MALRD1: variants seen among roughly 807,000 people sequenced by gnomAD.
MALRD1 encodes MAM and LDL receptor class A domain containing 1, also known as MAM and LDL-receptor class A domain-containing protein 1.
MALRD1 carries 247 observed loss-of-function variants against 242.1 expected under a neutral mutation model. The observed-to-expected ratio is 1.02, with a 90% CI of 0.92 to 1.13. MALRD1 has a LOEUF of 1.13. Among genes scored for constraint, MALRD1 ranks in the 50% most tolerant of loss-of-function variants. The pLI, the probability that MALRD1 is intolerant of heterozygous loss-of-function variation, is 0.00. For missense variants in MALRD1, 2,989 were observed against 2,533.1 expected, an observed-to-expected ratio of 1.18 and a Z score of -3.86; for synonymous variants, 995 against 866.6, an observed-to-expected ratio of 1.15 and a Z score of -2.60.
At chr10:19,198,907 G>T (rs926876546) in intron 14 of MALRD1, among the ~76,000 whole-genome samples, 16 of 152,040 alleles carry the variant, frequency 1.1e-4, no homozygotes, top group African/African-American at 3.9e-4. Context: ...TATTGATGAA[G>T]TCTAGAGTTT....
At chr10:19,270,316 CT>C (rs1317060650) in intron 19 of MALRD1, among the ~76,000 whole-genome samples, 2,197 of 113,582 alleles carry the variant, frequency 0.019, 61 homozygotes, top group African/African-American at 0.069. Flanking sequence ...GTCTCTCTCT[CT>C]TCTCTCTCTC....
intron 19 of MALRD1, among the ~76,000 whole-genome samples, chr10:19,264,293 T>A (rs1403618165): frequency 6.6e-6 from 1 of 152,170 alleles, no homozygotes; most frequent in Non-Finnish European, 1.5e-5. Flanking sequence ...CACTTGGTCA[T>A]AATATATGAT....
At chr10:19,629,698 G>A (rs1420302723) in intron 36 of MALRD1, among the ~76,000 whole-genome samples, 1 of 152,138 alleles carries the variant, frequency 6.6e-6, no homozygotes, top group African/African-American at 2.4e-5. Context: ...ACACAGCTCA[G>A]TGGTGGCGCT....
At chr10:19,109,164 A>G (rs1226542247) in intron 5 of MALRD1, among the ~76,000 whole-genome samples, 1 of 152,288 alleles carries the variant, frequency 6.6e-6, no homozygotes, top group African/African-American at 2.4e-5. Flanking sequence ...GGCTCAGGTT[A>G]TAGGAGTTTG....
intron 36 of MALRD1, among the ~76,000 whole-genome samples, chr10:19,673,031 C>T (rs1266087978): frequency 3.9e-5 from 6 of 152,024 alleles, no homozygotes; most frequent in Non-Finnish European, 5.9e-5. Flanking sequence ...TTAGGACATT[C>T]GATTTTCTGC....
At chr10:19,492,965 T>A (rs984945101) in intron 30 of MALRD1, among the ~76,000 whole-genome samples, 3 of 152,194 alleles carry the variant, frequency 2.0e-5, no homozygotes, top group African/African-American at 4.8e-5. Context: ...TTAAAATTTT[T>A]AATATATTTT....
At chr10:19,255,619 T>A (rs373446033) in intron 18 of MALRD1, among the ~76,000 whole-genome samples, 37 of 152,162 alleles carry the variant, frequency 2.4e-4, no homozygotes, top group Middle Eastern at 3.4e-3. Context: ...AAATGGACAA[T>A]TTTAGTTTCT....
At chr10:19,674,975 CTTTT>C in intron 36 of MALRD1, among the ~76,000 whole-genome samples, 1 of 149,290 alleles carries the variant, frequency 6.7e-6, no homozygotes, top group East Asian at 2.1e-4. Flanking sequence ...TTTAAAAAAA[CTTTT>C]TTTTAGTATC....
chr10:19,327,165 G>A (rs1843168048), intron 22 of MALRD1, among the ~76,000 whole-genome samples: 1 of 152,064 alleles, frequency 6.6e-6, no homozygotes, highest in African/African-American at 2.4e-5. Flanking sequence ...CATCTAATGA[G>A]AAAGATCATT....
At chr10:19,469,745 G>A (rs943644039) in intron 29 of MALRD1, among the ~76,000 whole-genome samples, 1 of 152,024 alleles carries the variant, frequency 6.6e-6, no homozygotes, top group Non-Finnish European at 1.5e-5. Context: ...AAAAATCAGT[G>A]TTGCATAATC....
intron 14 of MALRD1, among the ~76,000 whole-genome samples, chr10:19,199,553 T>C (rs1482331769): frequency 1.3e-5 from 2 of 152,032 alleles, no homozygotes; most frequent in East Asian, 3.9e-4. Flanking sequence ...GTAATCTCAG[T>C]ACTTTGAGAG....
chr10:19,362,691 A>C (rs1190815152), intron 26 of MALRD1, among the ~76,000 whole-genome samples: 1 of 152,088 alleles, frequency 6.6e-6, no homozygotes, highest in Non-Finnish European at 1.5e-5. Flanking sequence ...TTTGGTTTTA[A>C]TTTTGAGCAA....
At chr10:19,082,362 A>C (rs987866679) in intron 2 of MALRD1, among the ~76,000 whole-genome samples, 1 of 151,674 alleles carries the variant, frequency 6.6e-6, no homozygotes, top group Non-Finnish European at 1.5e-5. Flanking sequence ...TATTGTGCCC[A>C]TAGCCTAAGT....
At chr10:19,457,054 G>A (rs1351375031) in intron 29 of MALRD1, among the ~76,000 whole-genome samples, 2 of 152,126 alleles carry the variant, frequency 1.3e-5, no homozygotes, top group Non-Finnish European at 2.9e-5. Context: ...AACTACTCAA[G>A]CAATGTTTGA....
chr10:19,559,176 C>G (rs1835854588), intron 32 of MALRD1, among the ~76,000 whole-genome samples: 1 of 151,762 alleles, frequency 6.6e-6, no homozygotes, highest in Admixed American at 6.6e-5. Context: ...GAACAAGACT[C>G]TGTCTCAATA....
At chr10:19,215,440 G>A (rs1837266120) in intron 18 of MALRD1, among the ~76,000 whole-genome samples, 1 of 152,152 alleles carries the variant, frequency 6.6e-6, no homozygotes, top group Non-Finnish European at 1.5e-5. Flanking sequence ...GATATGGATG[G>A]TCTGTCCCTG....
intron 5 of MALRD1, among the ~76,000 whole-genome samples, chr10:19,104,698 A>G (rs969581384): frequency 6.6e-6 from 1 of 152,106 alleles, no homozygotes; most frequent in Non-Finnish European, 1.5e-5. Context: ...GGTTTTAAGA[A>G]TTTTGTTATA....
chr10:19,540,974 T>G (rs879073753), intron 32 of MALRD1, among the ~76,000 whole-genome samples: 1 of 151,956 alleles, frequency 6.6e-6, no homozygotes, highest in African/African-American at 2.4e-5. Context: ...ATATTCAGGG[T>G]AAAAAAATGA....
intron 31 of MALRD1, among the ~76,000 whole-genome samples, chr10:19,507,576 A>G (rs2131276788): frequency 6.6e-6 from 1 of 152,316 alleles, no homozygotes; most frequent in South Asian, 2.1e-4. Flanking sequence ...AACAAAGAAT[A>G]TGATACATAA....
Sources: allele counts gnomAD v4.1 joint callset (sites outside exome capture counted in the v4.1 genomes callset), GRCh38; gene constraint gnomAD v4.1.1; transcripts MANE v1.5; gene names NCBI Gene and HGNC (gene_info 2026-07-23, HGNC 2026-07-21).